Variants in SLC3A1 observed in about 807,000 individuals in gnomAD.
SLC3A1 encodes the protein amino acid transporter heavy chain SLC3A1.
A neutral mutation model predicts 60.3 loss-of-function variants in SLC3A1; 78 were observed. The ratio of observed to expected loss-of-function variants is 1.29; its 90% confidence interval spans 1.08 to 1.56. SLC3A1 has a LOEUF of 1.56. SLC3A1 is among the 40% of genes most tolerant of loss of function. SLC3A1 has a pLI of 0.00. For synonymous variants in SLC3A1, 392 were observed against 307.9 expected (o/e 1.27, Z -2.86); for missense variants, 1,172 against 858.9 (o/e 1.36, Z -4.56).
chr2:44,322,408 A>G (rs983393637), downstream of SLC3A1, among the ~76,000 whole-genome samples: 21 of 152,360 alleles, frequency 1.4e-4, no homozygotes, highest in African/African-American at 5.1e-4. Flanking sequence ...ATTCCCAAGA[A>G]TAACGGCTCA....
At chr2:44,303,310 C>A (rs1291093370) in intron 6 of SLC3A1, among the ~76,000 whole-genome samples, 1 of 144,984 alleles carries the variant, frequency 6.9e-6, no homozygotes, top group Non-Finnish European at 1.5e-5. Flanking sequence ...GTGGCATGAT[C>A]TCATCTCACT....
At chr2:44,322,029 C>T, downstream of SLC3A1, 1 of 904,236 alleles carries the variant, frequency 1.1e-6, no homozygotes. Flanking sequence ...AAGCAAAAAC[C>T]ACCATCATCA....
At chr2:44,289,749 G>C (rs917925987) in intron 4 of SLC3A1, among the ~76,000 whole-genome samples, 2 of 152,110 alleles carry the variant, frequency 1.3e-5, no homozygotes, top group Non-Finnish European at 2.9e-5. Context: ...TCCTGCTGCA[G>C]CCTCCTGAGT....
At chr2:44,285,725 A>T (rs761843752) in intron 3 of SLC3A1, 1 of 547,018 alleles carries the variant, frequency 1.8e-6, no homozygotes, top group Non-Finnish European at 3.6e-6. Context: ...CAGAAGATTC[A>T]AGAAAATACA....
downstream of SLC3A1, chr2:44,321,718 G>T: frequency 6.3e-7 from 1 of 1,597,218 alleles, no homozygotes; most frequent in Non-Finnish European, 8.5e-7. Flanking sequence ...CCATAGATAG[G>T]ACATTTGTGA....
At position 44,286,107 on chromosome 2, in the gene SLC3A1, G is replaced by A. The variant is rs1671607050; in HGVS notation, c.841G>A (p.Glu281Lys). 3 of 1,613,812 alleles carry A rather than the reference G, an allele frequency of 1.9e-6. No individual in the cohort carries two copies. The African/African-American group carries it at 4.0e-5, about 22-fold the overall frequency. Residue 281 changes from glutamate (E) to lysine (K), a missense_variant, in exon 4 of 10, where the codon GAG (glutamate) becomes AAG (lysine). Coordinates refer to ENST00000260649, the MANE Select transcript of SLC3A1 (RefSeq NM_000341.4). ...ATGTTATTTTCATCAGTTTATGAAA[G>A]AGCAACCTGATTTAAATTTCCGCAA... ...NQCYFHQFMK[E>K]QPDLNFRNPD... is the part of the protein sequence containing the mutation.
chr2:44,301,948 G>C (rs552269239), intron 6 of SLC3A1, among the ~76,000 whole-genome samples: 29 of 152,024 alleles, frequency 1.9e-4, no homozygotes, highest in Non-Finnish European at 4.0e-4. Context: ...CCAGCTACTC[G>C]GGAGGCTGAG....
At chr2:44,295,383 C>G (rs533454343) in intron 4 of SLC3A1, among the ~76,000 whole-genome samples, 1 of 152,280 alleles carries the variant, frequency 6.6e-6, no homozygotes, top group Non-Finnish European at 1.5e-5. Flanking sequence ...ACCTAGCTGA[C>G]CCAGGCTCTG....
intron 7 of SLC3A1, 143 bp downstream of exon 7, chr2:44,304,481 C>T: frequency 1.4e-6 from 1 of 702,210 alleles, no homozygotes; most frequent in Non-Finnish European, 2.6e-6. Flanking sequence ...AGGCCTGTCA[C>T]AGCCTCTGCC....
At chr2:44,301,234 C>T in intron 6 of SLC3A1, 107 bp downstream of exon 6, 1 of 1,365,784 alleles carries the variant, frequency 7.3e-7, no homozygotes. Flanking sequence ...ATGTAACAAG[C>T]CTGCATAACT....
At chr2:44,307,630 T>C (rs1672190676) in intron 7 of SLC3A1, among the ~76,000 whole-genome samples, 1 of 151,950 alleles carries the variant, frequency 6.6e-6, no homozygotes, top group South Asian at 2.1e-4. Context: ...ATGTGCTTAT[T>C]GGACATCTGC....
In SLC3A1 at chr2:44,277,513, T is replaced by C. The variant is rs1381574498; in HGVS notation, c.430+1548T>C. Reference sequence around the variant, plus strand: ...ACCCATTGCCTTCATTACTCTTTCTTTAGCCTCCCTAATCAGACCATGGGC... The same window carrying C: ...ACCCATTGCCTTCATTACTCTTTCTCTAGCCTCCCTAATCAGACCATGGGC... On this transcript the variant is annotated intron_variant, in intron 1 of 9. Coordinates refer to ENST00000260649, the MANE Select transcript of SLC3A1 (RefSeq NM_000341.4). 2.6e-5 allele frequency among the ~76,000 whole-genome samples: 4 copies of C among 152,270 alleles called. No homozygotes were observed. The East Asian group carries it at 7.7e-4, about 29-fold the overall frequency.
intron 9 of SLC3A1, 55 bp from the exon 10 acceptor site, chr2:44,320,144 T>G (rs1035066308): frequency 6.9e-7 from 1 of 1,453,062 alleles, no homozygotes; most frequent in African/African-American, 1.4e-5. Context: ...TTAAAAATAC[T>G]TACAAACAAT....
chr2:44,307,496 A>C (rs1672186631), intron 7 of SLC3A1, among the ~76,000 whole-genome samples: 1 of 151,692 alleles, frequency 6.6e-6, no homozygotes, highest in Admixed American at 6.6e-5. Context: ...ACATCTCATC[A>C]AGCCTTGTGA....
chr2:44,284,819 G>T (rs1255686012), intron 3 of SLC3A1, among the ~76,000 whole-genome samples: 1 of 152,100 alleles, frequency 6.6e-6, no homozygotes, highest in African/African-American at 2.4e-5. Context: ...TCCCGCTTCA[G>T]CTCTCAAAGT....
rs1671499081 is a variant in SLC3A1 at position 44,281,498 on chromosome 2, A to G, written c.722A>G (p.Asp241Gly). 1 of 1,613,942 alleles carries G rather than the reference A, an allele frequency of 6.2e-7. No individual in the cohort carries two copies. The highest frequency in any genetic ancestry group is 1.7e-5 in the Admixed American group (1 of 59,996). ...TATACTGATTATTATATCTGGCATG[A>G]CTGTACCCATGAAAATGGCAAAACC... Reference protein sequence around the residue: ...GKYTDYYIWHDCTHENGKTIP... With the variant: ...GKYTDYYIWHGCTHENGKTIP... Residue 241 changes from aspartate (D) to glycine (G), a missense_variant, in exon 3 of 10, where the codon GAC (aspartate) becomes GGC (glycine). Coordinates refer to ENST00000260649, the MANE Select transcript of SLC3A1 (RefSeq NM_000341.4).
At chr2:44,299,930 C>T (rs184267931) in intron 4 of SLC3A1, 41 bp from the exon 5 acceptor site, 40 of 1,608,076 alleles carry the variant, frequency 2.5e-5, no homozygotes, top group African/African-American at 1.3e-4. Flanking sequence ...GTGATAATAA[C>T]GTAGTTAATG....
At position 44,286,090 on chromosome 2, in the gene SLC3A1, T is replaced by C; in HGVS notation, c.824T>C (p.Phe275Ser). The C allele has an allele frequency of 6.2e-7, 1 of 1,613,984 alleles. No individual in the cohort carries two copies. The highest frequency in any genetic ancestry group is 1.1e-5 in the South Asian group (1 of 91,072). ...HFDEVRNQCYFHQFMKEQPDL... is the reference protein window; with the variant it reads ...HFDEVRNQCYSHQFMKEQPDL... ...GACGAAGTGCGAAACCAATGTTATT[T>C]TCATCAGTTTATGAAAGAGCAACCT... The change falls in exon 4 of 10, where the codon TTT (phenylalanine) becomes TCT (serine). Residue 275 changes from phenylalanine to serine, a missense_variant. By Grantham distance (155) the Phe-to-Ser change is radical. Transcript: ENST00000260649.
At chr2:44,304,369 G>A in intron 7 of SLC3A1, 31 bp downstream of exon 7, 1 of 1,528,586 alleles carries the variant, frequency 6.5e-7, no homozygotes, top group East Asian at 2.2e-5. Context: ...AGTACATAAT[G>A]TGCTGCTGTT....
Sources: gnomAD v4.1 joint callset for allele counts (sites outside exome capture counted in the v4.1 genomes callset) on GRCh38, gnomAD v4.1.1 for gene constraint, MANE v1.5 for transcripts, NCBI Gene and HGNC (gene_info 2026-07-23, HGNC 2026-07-21) for gene names.